Variants in ETHE1 observed in about 807,000 individuals in gnomAD.
ETHE1 encodes ETHE1 persulfide dioxygenase.
ETHE1 carries 16 observed loss-of-function variants against 25.7 expected under a neutral mutation model. That is an observed-to-expected ratio of 0.62 (90% confidence interval 0.42 to 0.95). The LOEUF is 0.95. ETHE1 is among the 40% of genes least tolerant of loss of function. ETHE1 has a pLI of 0.00. For synonymous variants in ETHE1, 139 were observed against 135.9 expected, an observed-to-expected ratio of 1.02 and a Z score of -0.16; for missense variants, 300 against 333.6, an observed-to-expected ratio of 0.90 and a Z score of 0.79.
intron 4 of ETHE1, among the ~76,000 whole-genome samples, chr19:43,510,308 G>A (rs188259050): frequency 2.0e-5 from 3 of 151,668 alleles, no homozygotes; most frequent in East Asian, 1.9e-4. Context: ...CAATTAAACC[G>A]CTGGCTTTAA....
chr19:43,518,999 G>GTGTATTTTTTTTTTTTTTTTTTT (rs1568497899), intron 3 of ETHE1, among the ~76,000 whole-genome samples: 1 of 91,012 alleles, frequency 1.1e-5, no homozygotes, highest in African/African-American at 4.2e-5. Context: ...ATTTGTGCTT[G>GTGTATTTTTTTTTTTTTTTTTTT]TTTTTTTTTT....
At chr19:43,520,643 T>G (rs1972121025) in intron 3 of ETHE1, among the ~76,000 whole-genome samples, 1 of 151,168 alleles carries the variant, frequency 6.6e-6, no homozygotes, top group African/African-American at 2.4e-5. Context: ...GAGGCTGCAG[T>G]GAGCTATGAT....
At chr19:43,513,722 G>C (rs1225651920) in intron 3 of ETHE1, among the ~76,000 whole-genome samples, 1 of 141,682 alleles carries the variant, frequency 7.1e-6, no homozygotes, top group Non-Finnish European at 1.5e-5. Context: ...TTTTGTTGTT[G>C]ATTTTTTTTT....
At chr19:43,508,207 C>T (rs1280507027) in intron 5 of ETHE1, 147 bp from the exon 6 acceptor site, 6 of 1,330,532 alleles carry the variant, frequency 4.5e-6, no homozygotes, top group African/African-American at 2.9e-5. Flanking sequence ...TCCATGGACA[C>T]TATGGGAAAT....
At chr19:43,516,021 T>A (rs1972012990) in intron 3 of ETHE1, among the ~76,000 whole-genome samples, 2 of 152,182 alleles carry the variant, frequency 1.3e-5, no homozygotes, top group Non-Finnish European at 1.5e-5. Context: ...ATCATGCTAC[T>A]CAGAACGATG....
rs1212408076 is a variant in ETHE1, at chr19:43,525,258, A to G, written c.375+943T>C. Among the ~76,000 whole-genome samples the G allele has an allele frequency of 2.6e-5, 4 of 152,326 alleles. No homozygotes were observed. In the East Asian group the frequency reaches 7.7e-4, roughly 29 times the overall value. On this transcript the variant is annotated intron_variant, in intron 3 of 6. Coordinates refer to ENST00000292147, the MANE Select transcript of ETHE1 (RefSeq NM_014297.5). ...TATGTACAATGTACATACATGTACAATGCATTTTTGCCTGCTTCCAGAGAA... is the reference window on the plus strand; with the variant it reads ...TATGTACAATGTACATACATGTACAGTGCATTTTTGCCTGCTTCCAGAGAA...
At chr19:43,518,934 C>T (rs978138834) in intron 3 of ETHE1, among the ~76,000 whole-genome samples, 3 of 145,506 alleles carry the variant, frequency 2.1e-5, no homozygotes, top group Non-Finnish European at 3.0e-5. Context: ...GAGAGGGGCG[C>T]GGTTCTAAAA....
intron 3 of ETHE1, among the ~76,000 whole-genome samples, chr19:43,512,104 A>AT (rs1188392831): frequency 6.6e-6 from 1 of 152,156 alleles, no homozygotes; most frequent in African/African-American, 2.4e-5. Flanking sequence ...ATGTGGAACT[A>AT]TGAGTCCATT....
intron 3 of ETHE1, among the ~76,000 whole-genome samples, 172 bp from the exon 4 acceptor site, chr19:43,511,738 G>A (rs1971923028): frequency 6.6e-6 from 1 of 152,158 alleles, no homozygotes; most frequent in Admixed American, 6.5e-5. Flanking sequence ...GTGGATTAAA[G>A]ATTTAAATGC....
intron 3 of ETHE1, 25 bp downstream of exon 3, chr19:43,526,176 C>A: frequency 6.2e-7 from 1 of 1,614,132 alleles, no homozygotes. Context: ...CCACCACCCT[C>A]TTGGGGACCC....
intron 3 of ETHE1, among the ~76,000 whole-genome samples, chr19:43,516,418 G>C (rs978979309): frequency 6.6e-6 from 1 of 151,536 alleles, no homozygotes; most frequent in African/African-American, 2.4e-5. Flanking sequence ...TCCTGCCTCA[G>C]CCTCCTGAGT....
In ETHE1 at chr19:43,524,954, G is replaced by A. The variant is rs369880594; in HGVS notation, c.375+1247C>T. 3.9e-5 allele frequency among the ~76,000 whole-genome samples: 6 copies of A among 152,040 alleles called. No individual in the cohort carries two copies. In the East Asian group the frequency reaches 5.8e-4, roughly 15 times the overall value. ...GTGCCCAGTAGTTCAAGACCAGCCTGGGCAACATAACAAAACCCTGTCTCT... is the reference window on the plus strand; with the variant it reads ...GTGCCCAGTAGTTCAAGACCAGCCTAGGCAACATAACAAAACCCTGTCTCT... On this transcript the variant is annotated intron_variant, in intron 3 of 6. Coordinates refer to ENST00000292147, the MANE Select transcript of ETHE1 (RefSeq NM_014297.5).
chr19:43,516,028 G>A (rs1390824368), intron 3 of ETHE1, among the ~76,000 whole-genome samples: 2 of 152,136 alleles, frequency 1.3e-5, no homozygotes, highest in South Asian at 2.1e-4. Flanking sequence ...TACTCAGAAC[G>A]ATGTACAATT....
At chr19:43,517,630 A>G (rs1600002370) in intron 3 of ETHE1, among the ~76,000 whole-genome samples, 1 of 151,848 alleles carries the variant, frequency 6.6e-6, no homozygotes, top group Non-Finnish European at 1.5e-5. Flanking sequence ...TACAAATATT[A>G]GTCAGGCGTG....
intron 3 of ETHE1, among the ~76,000 whole-genome samples, chr19:43,512,770 A>C (rs1464279614): frequency 6.6e-5 from 10 of 152,084 alleles, no homozygotes; most frequent in Admixed American, 6.6e-4. Flanking sequence ...TTCTGAGGAA[A>C]AATTCAAGCC....
In ETHE1 at chr19:43,515,806, C is replaced by T. The variant is rs367591155; in HGVS notation, c.376-4240G>A. ...GGTCAGGCTGGTCTCAAGCTCCTGACCTCAGGTGATTCACCCGCCTCAGGC... is the reference window on the plus strand; with the variant it reads ...GGTCAGGCTGGTCTCAAGCTCCTGATCTCAGGTGATTCACCCGCCTCAGGC... On this transcript the variant is annotated intron_variant, in intron 3 of 6. Coordinates refer to ENST00000292147, the MANE Select transcript of ETHE1 (RefSeq NM_014297.5). Among the ~76,000 whole-genome samples the T allele has an allele frequency of 7.2e-5, 11 of 152,274 alleles. No homozygotes were observed. The East Asian group carries it at 1.2e-3, about 16-fold the overall frequency.
At chr19:43,514,477 G>C (rs1971981519) in intron 3 of ETHE1, among the ~76,000 whole-genome samples, 1 of 144,580 alleles carries the variant, frequency 6.9e-6, no homozygotes, top group Non-Finnish European at 1.5e-5. Context: ...ACCCAGTCTT[G>C]GGTATGTCTT....
chr19:43,526,704 C>G lies in ETHE1; in HGVS notation c.82-45G>C, dbSNP rs370094584. 111 of 1,611,888 alleles carry G rather than the reference C, an allele frequency of 6.9e-5. No homozygotes were observed. The African/African-American group carries it at 1.3e-3, about 20-fold the overall frequency. The stretch of plus-strand genomic sequence containing the variant: ...GTGAGGGCGCAGAACCGGACTTCCA[C>G]CCACTGGAGGCCAAGTAGTCCAGAC... On this transcript the variant is annotated intron_variant, in intron 1 of 6. Transcript: ENST00000292147.
intron 3 of ETHE1, among the ~76,000 whole-genome samples, chr19:43,521,670 TAA>T (rs780192720): frequency 2.0e-4 from 27 of 131,736 alleles, no homozygotes; most frequent in Middle Eastern, 3.9e-3. Context: ...ACTCTGTCTC[TAA>T]AAAAAAAAAA....
Sources: allele counts gnomAD v4.1 joint callset (sites outside exome capture counted in the v4.1 genomes callset), GRCh38; gene constraint gnomAD v4.1.1; transcripts MANE v1.5; gene names NCBI Gene and HGNC (gene_info 2026-07-23, HGNC 2026-07-21).